Variants in ENOX1 observed in about 807,000 individuals in gnomAD.
ENOX1 encodes the protein ecto-NOX disulfide-thiol exchanger 1, also known as candidate growth-related and time keeping constitutive hydroquinone (NADH) oxidase.
ENOX1 carries 42 observed loss-of-function variants against 82.5 expected under a neutral mutation model. The ratio of observed to expected loss-of-function variants is 0.51; its 90% CI spans 0.40 to 0.66. The LOEUF is 0.66. ENOX1 is among the 30% of genes least tolerant of loss of function. The pLI is 0.00. For synonymous variants in ENOX1, 271 were observed against 282.2 expected (o/e 0.96, Z 0.40); for missense variants, 608 against 811.6 (o/e 0.75, Z 3.05).
At chr13:43,276,227 G>A (rs1158780260) in intron 12 of ENOX1, among the ~76,000 whole-genome samples, 1 of 152,116 alleles carries the variant, frequency 6.6e-6, no homozygotes, top group Non-Finnish European at 1.5e-5. Context: ...GATGGTGGGT[G>A]TGACTGCGTC....
intron 3 of ENOX1, among the ~76,000 whole-genome samples, chr13:43,438,394 A>G (rs1211156474): frequency 1.3e-5 from 2 of 152,190 alleles, no homozygotes; most frequent in Non-Finnish European, 2.9e-5. Context: ...CAGAAGAGAT[A>G]GCAATTGGAA....
intron 1 of ENOX1, among the ~76,000 whole-genome samples, chr13:43,763,670 T>C (rs1169965967): frequency 1.3e-5 from 2 of 152,156 alleles, no homozygotes; most frequent in Non-Finnish European, 2.9e-5. Context: ...TCTGAGAACT[T>C]CCTAAGTACA....
chr13:43,402,534 TAGAC>T (rs1021252669), intron 5 of ENOX1, among the ~76,000 whole-genome samples: 9 of 152,204 alleles, frequency 5.9e-5, no homozygotes, highest in African/African-American at 1.2e-4. Flanking sequence ...CACAGTCTGT[TAGAC>T]AGATGATAGA....
intron 5 of ENOX1, among the ~76,000 whole-genome samples, chr13:43,365,013 C>A (rs2050759356): frequency 6.6e-6 from 1 of 152,184 alleles, no homozygotes. Context: ...AGAGACCCTG[C>A]TGTTCAAGCT....
intron 11 of ENOX1, among the ~76,000 whole-genome samples, chr13:43,321,762 T>G (rs184704135): frequency 1.3e-5 from 2 of 152,352 alleles, no homozygotes; most frequent in Admixed American, 1.3e-4. Context: ...TTGAATGAGC[T>G]TTTCCCTTGC....
At chr13:43,681,067 A>G (rs2085758779) in intron 1 of ENOX1, among the ~76,000 whole-genome samples, 1 of 152,114 alleles carries the variant, frequency 6.6e-6, no homozygotes, top group Non-Finnish European at 1.5e-5. Flanking sequence ...AGTTGGAGAG[A>G]AGGCCACACT....
intron 2 of ENOX1, among the ~76,000 whole-genome samples, chr13:43,520,494 C>T (rs2077722198): frequency 6.6e-6 from 1 of 152,030 alleles, no homozygotes; most frequent in African/African-American, 2.4e-5. Context: ...TAATAAATAC[C>T]ATATGCAAGA....
At chr13:43,744,152 T>C (rs953942167) in intron 1 of ENOX1, among the ~76,000 whole-genome samples, 1 of 152,080 alleles carries the variant, frequency 6.6e-6, no homozygotes, top group Non-Finnish European at 1.5e-5. Context: ...TAGAAACAAC[T>C]TCCATTTCAG....
intron 11 of ENOX1, among the ~76,000 whole-genome samples, chr13:43,310,333 GT>G (rs753159539): frequency 1.3e-5 from 2 of 151,788 alleles, no homozygotes; most frequent in Non-Finnish European, 2.9e-5. Flanking sequence ...GTTTGGGCAA[GT>G]TTATGAGGTG....
At chr13:43,471,204 G>A (rs1036817702) in intron 3 of ENOX1, among the ~76,000 whole-genome samples, 6 of 152,026 alleles carry the variant, frequency 3.9e-5, no homozygotes, top group African/African-American at 1.4e-4. Flanking sequence ...CTATATGAAA[G>A]GAGCCTGACA....
intron 1 of ENOX1, among the ~76,000 whole-genome samples, chr13:43,714,400 G>T (rs1446321625): frequency 6.6e-6 from 1 of 152,116 alleles, no homozygotes; most frequent in Non-Finnish European, 1.5e-5. Flanking sequence ...GTTGATTTGG[G>T]GTGGAGAGTT....
At chr13:43,276,055 G>GT (rs2045008787) in intron 12 of ENOX1, among the ~76,000 whole-genome samples, 1 of 152,116 alleles carries the variant, frequency 6.6e-6, no homozygotes, top group African/African-American at 2.4e-5. Context: ...AATTCAATGT[G>GT]TTTTTTACTC....
chr13:43,469,160 T>C (rs1028979964), intron 3 of ENOX1, among the ~76,000 whole-genome samples: 1 of 152,184 alleles, frequency 6.6e-6, no homozygotes, highest in Non-Finnish European at 1.5e-5. Flanking sequence ...TCCTAGTTTG[T>C]TGAGCATATT....
intron 2 of ENOX1, among the ~76,000 whole-genome samples, chr13:43,566,134 T>C (rs1413115431): frequency 2.6e-5 from 4 of 152,210 alleles, no homozygotes; most frequent in African/African-American, 9.6e-5. Context: ...TATGCTTTCT[T>C]ACACAAATGT....
chr13:43,251,088 T>C (rs1348762667), intron 14 of ENOX1, among the ~76,000 whole-genome samples: 1 of 151,458 alleles, frequency 6.6e-6, no homozygotes, highest in Non-Finnish European at 1.5e-5. Flanking sequence ...TTGATTCGAT[T>C]GCTTATTAAA....
chr13:43,639,733 AT>A (rs1444756011), intron 2 of ENOX1, among the ~76,000 whole-genome samples: 1 of 152,214 alleles, frequency 6.6e-6, no homozygotes, highest in East Asian at 1.9e-4. Flanking sequence ...TATTTTAACA[AT>A]AAATAAAAAT....
chr13:43,228,121 T>TA (rs59751500), intron 15 of ENOX1, among the ~76,000 whole-genome samples: 10 of 141,338 alleles, frequency 7.1e-5, no homozygotes, highest in Non-Finnish European at 1.4e-4. Flanking sequence ...TTTTTTTTTT[T>TA]AAAGGAACTG....
intron 14 of ENOX1, 45 bp from the exon 15 acceptor site, chr13:43,236,783 T>C (rs772496995): frequency 1.6e-5 from 18 of 1,121,198 alleles, no homozygotes; most frequent in Non-Finnish European, 2.1e-5. Context: ...TTATGTAGAT[T>C]CTGTGCATGT....
chr13:43,708,890 T>C (rs928385680), intron 1 of ENOX1, among the ~76,000 whole-genome samples: 9 of 152,090 alleles, frequency 5.9e-5, no homozygotes, highest in Admixed American at 5.9e-4. Context: ...AAAATTCTGC[T>C]CTTCAAAGGA....
Sources: gnomAD v4.1 joint callset for allele counts (sites outside exome capture counted in the v4.1 genomes callset) on GRCh38, gnomAD v4.1.1 for gene constraint, MANE v1.5 for transcripts, NCBI Gene and HGNC (gene_info 2026-07-23, HGNC 2026-07-21) for gene names.